The following ZSCAN32 variants were observed in gnomAD, a reference collection of about 807,000 sequenced individuals.
The protein encoded by ZSCAN32 is zinc finger and SCAN domain-containing protein 32.
In ZSCAN32, 52 loss-of-function variants were observed where a neutral mutation model predicts 47.4. The ratio of observed to expected loss-of-function variants is 1.10; its 90% CI spans 0.88 to 1.38. The LOEUF is 1.38. ZSCAN32 is among the 40% of genes most tolerant of loss of function. The pLI is 0.00. For missense variants in ZSCAN32, 959 were observed against 846.0 expected, an observed-to-expected ratio of 1.13 and a Z score of -1.66; for synonymous variants, 346 against 305.7, an observed-to-expected ratio of 1.13 and a Z score of -1.38.
chr16:3,384,243 T>G, intron 6 of ZSCAN32: 1 of 628,164 alleles, frequency 1.6e-6, no homozygotes, highest in Non-Finnish European at 2.7e-6. Context: ...AAAGATGACA[T>G]GAACTTAGTT....
At chr16:3,390,267 G>T (rs2032521881) in intron 4 of ZSCAN32, 134 bp from the exon 5 acceptor site, 1 of 1,413,936 alleles carries the variant, frequency 7.1e-7, no homozygotes. Context: ...AGTGGGACAG[G>T]TTCTGAGCCA....
intron 1 of ZSCAN32, among the ~76,000 whole-genome samples, chr16:3,397,948 T>G (rs1469728927): frequency 4.6e-5 from 7 of 152,202 alleles, no homozygotes; most frequent in Non-Finnish European, 7.3e-5. Context: ...CTAAAAGAGA[T>G]AGGATCTAAC....
chr16:3,383,418 G>C lies in ZSCAN32; in HGVS notation c.1528C>G (p.Pro510Ala). 6.2e-7 allele frequency: 1 copy of C among 1,614,186 alleles called. No homozygotes were observed. The highest frequency in any genetic ancestry group is 8.5e-7 in the Non-Finnish European group (1 of 1,180,024). Residue 510 changes from proline to alanine, a missense_variant, in exon 7 of 7, where the codon CCC becomes GCC. Coordinates refer to ENST00000396852, the MANE Select transcript of ZSCAN32 (RefSeq NM_001284527.2). ...TCCAGTTTGAGCGCTGGCTTGTGGG[G>C]AGAGTGCACACTCTGAGAGCAGTTT... ...GKNCSQSVHS[P>A]HKPALKLEKV... is the part of the protein sequence containing the mutation.
chr16:3,393,872 A>G (rs898871070), intron 2 of ZSCAN32, 58 bp from the exon 3 acceptor site: 2 of 1,425,598 alleles, frequency 1.4e-6, no homozygotes, highest in African/African-American at 2.9e-5. Context: ...GGACTTTACA[A>G]CTCCTAAGAG....
intron 6 of ZSCAN32, chr16:3,384,119 C>T (rs2031627627): frequency 1.9e-6 from 1 of 513,584 alleles, no homozygotes; most frequent in Non-Finnish European, 3.4e-6. Context: ...AGTACCCAGC[C>T]AGCATAGGCT....
At position 3,393,191 on chromosome 16, in the gene ZSCAN32, T is replaced by TATATAA. The variant is rs1444740807; in HGVS notation, c.532+457_532+458insTTATAT. Among the ~76,000 whole-genome samples the TATATAA allele has an allele frequency of 5.6e-3, 154 of 27,482 alleles. 9 individuals are homozygous for TATATAA. Among genetic ancestry groups the TATATAA allele is most frequent in the African/African-American group, 0.024 (77 of 3,262 alleles). The allele number at this position is 27,482 out of a possible 152,430, so 18.0% of individuals were successfully genotyped here. A position where few individuals can be genotyped will look rare whatever the true frequency, so the allele number is the denominator to read the frequency against. Reference sequence around the variant, plus strand: ...ATTTCTATATATATATTTCTATATTTATATATATATTTATATTTATATATA... The same window carrying TATATAA: ...ATTTCTATATATATATTTCTATATTTATATAAATATATATATTTATATTTATATATA... On this transcript the variant is annotated intron_variant, in intron 3 of 6. Transcript: ENST00000396852.
At chr16:3,387,366 A>G (rs893863819) in intron 5 of ZSCAN32, among the ~76,000 whole-genome samples, 1 of 152,242 alleles carries the variant, frequency 6.6e-6, no homozygotes, top group African/African-American at 2.4e-5. Context: ...GCCCATCTCT[A>G]TCTGTTTATA....
chr16:3,384,273 A>C, intron 6 of ZSCAN32, 186 bp downstream of exon 6: 5 of 781,792 alleles, frequency 6.4e-6, no homozygotes, highest in Admixed American at 2.9e-5. Flanking sequence ...TGGCAAATGC[A>C]AAATCAGGGC....
Position 3,383,219 on chromosome 16 carries a change from G to T in ZSCAN32, c.1727C>A (p.Pro576His), listed in dbSNP as rs759491964. Residue 576 changes from proline (P) to histidine (H), a missense_variant, in exon 7 of 7, where the codon CCC (proline) becomes CAC (histidine). By Grantham distance (77) the Pro-to-His change is moderately conservative. Transcript: ENST00000396852. ...TTTCCCACATTGCCCACACTGATAG[G>T]GCCTCTCCCCTGTGTGAGTTCGTAG... ...AHLRTHTGER[P>H]YQCGQCGKSF... 6.2e-7 allele frequency: 1 copy of T among 1,614,054 alleles called. No individual in the cohort carries two copies. Among genetic ancestry groups the T allele is most frequent in the Non-Finnish European group, 8.5e-7 (1 of 1,179,994 alleles).
At chr16:3,393,026 C>T (rs1313650294) in intron 3 of ZSCAN32, among the ~76,000 whole-genome samples, 1 of 147,766 alleles carries the variant, frequency 6.8e-6, no homozygotes, top group Non-Finnish European at 1.5e-5. Context: ...CCTTTAATGA[C>T]ACCTGATTCT....
intron 3 of ZSCAN32, among the ~76,000 whole-genome samples, chr16:3,393,424 C>T (rs1159336979): frequency 6.8e-6 from 1 of 147,440 alleles, no homozygotes; most frequent in Non-Finnish European, 1.5e-5. Context: ...CGGGGTTTCA[C>T]GATGTTAGCA....
Position 3,397,191 on chromosome 16 carries a change from C to T in ZSCAN32, c.366+1G>A. ...ACAAAGTTCCGACTTCCTTTTCTCA[C>T]CTGTTGTCCAGGAGCTCTCTGTACA... On this transcript the variant is annotated splice_donor_variant, in intron 2 of 6. Coordinates refer to ENST00000396852, the MANE Select transcript of ZSCAN32 (RefSeq NM_001284527.2). LOFTEE classifies it high-confidence loss of function. The T allele has an allele frequency of 6.6e-7, 1 of 1,509,468 alleles. No individual in the cohort carries two copies. 93.5% of individuals were successfully genotyped at this position (1,509,468 alleles called of 1,614,324 possible). A position where few individuals can be genotyped will look rare whatever the true frequency, so the allele number is the denominator to read the frequency against.
At chr16:3,400,007 A>C (rs1325879413) in intron 1 of ZSCAN32, among the ~76,000 whole-genome samples, 1 of 152,220 alleles carries the variant, frequency 6.6e-6, no homozygotes, top group Non-Finnish European at 1.5e-5. Context: ...ATACACCCTC[A>C]CCATGTGGTA....
intron 5 of ZSCAN32, among the ~76,000 whole-genome samples, chr16:3,386,548 C>G (rs149507821): frequency 0.044 from 6,632 of 152,222 alleles, 196 homozygotes; most frequent in Middle Eastern, 0.061. Flanking sequence ...AGCCAAATGT[C>G]CAACAATGAT....
Position 3,393,703 on chromosome 16 carries a change from G to C in ZSCAN32, c.478C>G (p.Pro160Ala). ...GAGCTCTGTGATCCCTTAAAAGTCG[G>C]TTCCTCTGGCTGAACCTCCTGTTTC... ...QWKQEVQPEEPTFKGSQSSHQ... is the reference protein window; with the variant it reads ...QWKQEVQPEEATFKGSQSSHQ... The change falls in exon 3 of 7, where the codon CCG (proline) becomes GCG (alanine). Residue 160 changes from proline (P) to alanine (A), a missense_variant. Physicochemically the swap from Pro to Ala is conservative, Grantham distance 27. Coordinates refer to ENST00000396852, the MANE Select transcript of ZSCAN32 (RefSeq NM_001284527.2). The C allele has an allele frequency of 6.5e-7, 1 of 1,550,236 alleles. No individual in the cohort carries two copies. The highest frequency in any genetic ancestry group is 1.2e-5 in the South Asian group (1 of 84,040).
At chr16:3,395,342 G>C (rs1284568818) in intron 2 of ZSCAN32, among the ~76,000 whole-genome samples, 1 of 152,160 alleles carries the variant, frequency 6.6e-6, no homozygotes, top group East Asian at 1.9e-4. Flanking sequence ...CTCATCTTCA[G>C]TTGTAGTTCC....
intron 2 of ZSCAN32, among the ~76,000 whole-genome samples, chr16:3,396,141 G>A (rs1344219251): frequency 6.6e-6 from 1 of 152,128 alleles, no homozygotes; most frequent in Non-Finnish European, 1.5e-5. Flanking sequence ...ATTTATAATA[G>A]TTCAGTTCTC....
intron 1 of ZSCAN32, 90 bp from the exon 2 acceptor site, chr16:3,397,834 C>CATACGG: frequency 2.5e-5 from 7 of 279,514 alleles, no homozygotes; most frequent in South Asian, 8.2e-5. Flanking sequence ...TTCCTTTACT[C>CATACGG]CCTCCACAAA....
intron 3 of ZSCAN32, among the ~76,000 whole-genome samples, chr16:3,391,561 C>T (rs1596466113): frequency 6.6e-6 from 1 of 152,030 alleles, no homozygotes; most frequent in Admixed American, 6.6e-5. Context: ...CGCCTGTAAT[C>T]CCAGCTACTC....
Sources: gnomAD v4.1 joint callset for allele counts (sites outside exome capture counted in the v4.1 genomes callset) on GRCh38, gnomAD v4.1.1 for gene constraint, MANE v1.5 for transcripts, NCBI Gene and HGNC (gene_info 2026-07-23, HGNC 2026-07-21) for gene names.